ADAM29: variants seen among roughly 807,000 people sequenced by gnomAD.
ADAM29 encodes disintegrin and metalloproteinase domain-containing protein 29.
For missense variants in ADAM29, 969 were observed against 1,001.8 expected, an observed-to-expected ratio of 0.97 and a Z score of 0.44; for synonymous variants, 367 against 342.3, an observed-to-expected ratio of 1.07 and a Z score of -0.80.
At chr4:174,951,379 T>G (rs1745165599) in intron 4 of ADAM29, among the ~76,000 whole-genome samples, 1 of 152,194 alleles carries the variant, frequency 6.6e-6, no homozygotes, top group Admixed American at 6.5e-5. Flanking sequence ...CATTTGAGCA[T>G]TTTGTTATCT....
intron 4 of ADAM29, among the ~76,000 whole-genome samples, chr4:174,962,466 C>A (rs1410314126): frequency 6.7e-6 from 1 of 149,720 alleles, no homozygotes; most frequent in African/African-American, 2.5e-5. Flanking sequence ...GAGCCGAGAT[C>A]GCGCCACTGC....
At chr4:174,930,382 C>T (rs1259255840) in intron 2 of ADAM29, among the ~76,000 whole-genome samples, 1 of 152,150 alleles carries the variant, frequency 6.6e-6, no homozygotes, top group Non-Finnish European at 1.5e-5. Flanking sequence ...ATTCTTGTCT[C>T]TGAGTAACTT....
At chr4:174,957,767 T>C (rs36028977) in intron 4 of ADAM29, among the ~76,000 whole-genome samples, 63,398 of 151,616 alleles carry the variant, frequency 0.42, 13,827 homozygotes, top group African/African-American at 0.54. Flanking sequence ...TTAATATGAA[T>C]CTATCTTTCT....
At chr4:174,942,543 G>A (rs1255610905) in intron 4 of ADAM29, among the ~76,000 whole-genome samples, 1 of 151,912 alleles carries the variant, frequency 6.6e-6, no homozygotes, top group Non-Finnish European at 1.5e-5. Flanking sequence ...GCTGTATCTT[G>A]ACCCCTTTTA....
intron 4 of ADAM29, among the ~76,000 whole-genome samples, chr4:174,967,772 T>C (rs529195007): frequency 1.6e-4 from 25 of 152,360 alleles, no homozygotes; most frequent in Admixed American, 5.9e-4. Context: ...ACTCATTTAA[T>C]GCTTATTGAT....
At chr4:174,968,686 G>T (rs759940473) in intron 4 of ADAM29, among the ~76,000 whole-genome samples, 1 of 151,706 alleles carries the variant, frequency 6.6e-6, no homozygotes, top group Non-Finnish European at 1.5e-5. Flanking sequence ...AATCAACTTT[G>T]TACTTCTTTA....
chr4:174,919,816 A>C (rs1248488897), intron 1 of ADAM29, among the ~76,000 whole-genome samples: 1 of 152,212 alleles, frequency 6.6e-6, no homozygotes, highest in Non-Finnish European at 1.5e-5. Context: ...TCTGTGTTAC[A>C]TAATCCAATC....
chr4:174,963,548 T>G (rs974441609), intron 4 of ADAM29, among the ~76,000 whole-genome samples: 2 of 152,194 alleles, frequency 1.3e-5, no homozygotes, highest in African/African-American at 4.8e-5. Context: ...TCCTGATAAG[T>G]TGGGAAATAA....
intron 4 of ADAM29, among the ~76,000 whole-genome samples, chr4:174,944,866 C>T (rs1017987389): frequency 6.6e-6 from 1 of 152,138 alleles, no homozygotes; most frequent in Admixed American, 6.5e-5. Context: ...TAATCTCATT[C>T]TTTTTAATGG....
chr4:174,941,046 G>A (rs1254947543), intron 4 of ADAM29, among the ~76,000 whole-genome samples: 1 of 151,690 alleles, frequency 6.6e-6, no homozygotes, highest in Non-Finnish European at 1.5e-5. Flanking sequence ...AAATTCAGGG[G>A]GTCAATTGAG....
intron 4 of ADAM29, among the ~76,000 whole-genome samples, chr4:174,967,438 G>T (rs575293418): frequency 1.3e-5 from 2 of 152,032 alleles, no homozygotes; most frequent in South Asian, 4.2e-4. Flanking sequence ...ACCCTCTTTT[G>T]CTATTTTCCA....
chr4:174,929,819 C>G (rs955362498), intron 2 of ADAM29, among the ~76,000 whole-genome samples: 10 of 149,220 alleles, frequency 6.7e-5, no homozygotes, highest in African/African-American at 2.2e-4. Context: ...TGCAGTGGCG[C>G]GATCTCAGCT....
intron 4 of ADAM29, among the ~76,000 whole-genome samples, chr4:174,953,196 G>A (rs1288405946): frequency 6.6e-6 from 1 of 152,094 alleles, no homozygotes; most frequent in Admixed American, 6.5e-5. Context: ...TGAGGCAGGA[G>A]AATGGCATGA....
chr4:174,923,302 A>C (rs1255354489), intron 2 of ADAM29, among the ~76,000 whole-genome samples: 1 of 151,156 alleles, frequency 6.6e-6, no homozygotes, highest in Non-Finnish European at 1.5e-5. Context: ...TGATCCACCC[A>C]CCTCGGACTC....
Position 174,977,676 on chromosome 4 carries a change from A to G in ADAM29, c.2151A>G (p.Glu717=), listed in dbSNP as rs375497019. ...ATGTTCAAACTCCATCTGCAAAAGA[A>G]GAGGAAAAAATTCAGCGTCGACCTC... ...QQDVQTPSAK[E]EEKIQRRPHE... is the part of the protein sequence containing the mutation. Residue 717 remains glutamate (E), a synonymous_variant, in exon 5 of 5, where the codon GAA becomes GAG. Transcript: ENST00000359240. 28 of 1,614,272 alleles carry G rather than the reference A, an allele frequency of 1.7e-5. No homozygotes were observed. The highest frequency in any genetic ancestry group is 2.2e-5 in the Non-Finnish European group (26 of 1,180,050).
intron 4 of ADAM29, among the ~76,000 whole-genome samples, chr4:174,951,487 G>A (rs1380471017): frequency 6.6e-6 from 1 of 152,086 alleles, no homozygotes; most frequent in Non-Finnish European, 1.5e-5. Context: ...GAAGCCTTTT[G>A]TATAATGGTT....
At chr4:174,965,807 T>A (rs1289530760) in intron 4 of ADAM29, among the ~76,000 whole-genome samples, 1 of 151,532 alleles carries the variant, frequency 6.6e-6, no homozygotes, top group African/African-American at 2.4e-5. Context: ...ATGATCTCAT[T>A]TAAACCTAAT....
At chr4:174,936,539 T>C (rs1744211700) in intron 3 of ADAM29, among the ~76,000 whole-genome samples, 1 of 152,016 alleles carries the variant, frequency 6.6e-6, no homozygotes, top group Non-Finnish European at 1.5e-5. Context: ...TCATTATAAC[T>C]TTAAAAAGTT....
chr4:174,931,627 A>T (rs1475085450), intron 3 of ADAM29, among the ~76,000 whole-genome samples: 1 of 152,130 alleles, frequency 6.6e-6, no homozygotes, highest in African/African-American at 2.4e-5. Flanking sequence ...ATATCTACTA[A>T]TTTCTTACAT....
Sources: gnomAD v4.1 joint callset for allele counts (sites outside exome capture counted in the v4.1 genomes callset) on GRCh38, gnomAD v4.1.1 for gene constraint, MANE v1.5 for transcripts, NCBI Gene and HGNC (gene_info 2026-07-23, HGNC 2026-07-21) for gene names.